The following CRKL variants were observed in gnomAD, a reference collection of about 807,000 sequenced individuals.
CRKL encodes the protein CRK like proto-oncogene, adaptor protein, also known as crk-like protein.
A neutral mutation model predicts 23.0 loss-of-function variants in CRKL; 3 were observed. The ratio of observed to expected loss-of-function variants is 0.13; its 90% CI spans 0.06 to 0.34. CRKL has a LOEUF of 0.34. Ranked by LOEUF, CRKL falls within the 10% of genes least tolerant of loss-of-function variation. The probability of loss-of-function intolerance (pLI) is 1.00; values close to 1 mark genes in which losing one functional copy is unlikely to be tolerated. For missense variants in CRKL, 256 were observed against 394.5 expected (o/e 0.65, Z 2.97); for synonymous variants, 188 against 160.7 (o/e 1.17, Z -1.28).
chr22:20,941,586 A>AT (rs1445560449), intron 2 of CRKL, among the ~76,000 whole-genome samples: 7 of 18,770 alleles, frequency 3.7e-4, no homozygotes, highest in African/African-American at 9.3e-4. Context: ...GTGTATATAT[A>AT]TATTTTTTTT....
chr22:20,937,474 C>T (rs928438459), intron 2 of CRKL, among the ~76,000 whole-genome samples: 5 of 146,658 alleles, frequency 3.4e-5, no homozygotes, highest in Admixed American at 1.4e-4. Flanking sequence ...ATCTAGTGTG[C>T]GTGCGTGTGT....
At chr22:20,925,993 G>T (rs1023564349) in intron 1 of CRKL, among the ~76,000 whole-genome samples, 2 of 152,158 alleles carry the variant, frequency 1.3e-5, no homozygotes, top group African/African-American at 2.4e-5. Context: ...AGAATGCCAT[G>T]ACAGCTTAAA....
intron 2 of CRKL, among the ~76,000 whole-genome samples, chr22:20,937,123 A>T (rs1298077171): frequency 1.3e-5 from 2 of 151,822 alleles, no homozygotes; most frequent in African/African-American, 2.4e-5. Context: ...AAGTGCTCGG[A>T]TTACAGGCGT....
intron 2 of CRKL, among the ~76,000 whole-genome samples, chr22:20,941,072 A>G (rs1921852538): frequency 1.3e-5 from 2 of 152,214 alleles, no homozygotes; most frequent in South Asian, 4.2e-4. Context: ...ATCATGAAGC[A>G]TCTGACTCAG....
chr22:20,936,411 C>A (rs186274475), intron 2 of CRKL, among the ~76,000 whole-genome samples: 1 of 151,896 alleles, frequency 6.6e-6, no homozygotes, highest in South Asian at 2.1e-4. Context: ...TGCAATGGCA[C>A]GATCTCGGTT....
intron 2 of CRKL, among the ~76,000 whole-genome samples, chr22:20,936,739 T>C (rs1921672760): frequency 6.6e-6 from 1 of 152,124 alleles, no homozygotes; most frequent in Non-Finnish European, 1.5e-5. Context: ...CTCCCTTTCA[T>C]GTTGGCTATA....
chr22:20,923,087 A>C (rs997935501), intron 1 of CRKL, among the ~76,000 whole-genome samples: 5 of 152,200 alleles, frequency 3.3e-5, no homozygotes, highest in Non-Finnish European at 7.3e-5. Flanking sequence ...TCGATAGATA[A>C]ATTCAGGCTA....
At position 20,917,419 on chromosome 22, in the gene CRKL, C is replaced by A. The variant is rs1172894362; in HGVS notation, c.-516C>A. ...GCCCAGCGCGTGCGCAGACGGAGCG[C>A]GCTGAGCGGAGGGGGAGGTGGCTGC... On this transcript the variant is annotated 5_prime_UTR_variant, in exon 1 of 3. Transcript: ENST00000354336. The A allele has an allele frequency of 1.4e-5, 3 of 222,114 alleles. No homozygotes were observed. Among genetic ancestry groups the A allele is most frequent in the Non-Finnish European group, 2.7e-5 (3 of 110,760 alleles). The allele number at this position is 222,114 out of a possible 1,614,324, so 13.8% of individuals were successfully genotyped here. A position where few individuals can be genotyped will look rare whatever the true frequency, so the allele number is the denominator to read the frequency against.
chr22:20,945,347 A>G (rs1484250763), intron 2 of CRKL, among the ~76,000 whole-genome samples: 2 of 151,974 alleles, frequency 1.3e-5, no homozygotes, highest in African/African-American at 2.4e-5. Context: ...ACTGATATCT[A>G]TGTGTTGATC....
chr22:20,933,513 A>T (rs1229949783), intron 1 of CRKL, among the ~76,000 whole-genome samples: 2 of 151,036 alleles, frequency 1.3e-5, no homozygotes, highest in Admixed American at 1.3e-4. Flanking sequence ...CTAAAAATAA[A>T]AAAAGTTACC....
chr22:20,927,970 T>C (rs1042692131), intron 1 of CRKL, among the ~76,000 whole-genome samples: 77 of 151,738 alleles, frequency 5.1e-4, no homozygotes, highest in African/African-American at 1.9e-3. Context: ...AAGACCAGCC[T>C]GGCCAGCATG....
intron 1 of CRKL, among the ~76,000 whole-genome samples, chr22:20,925,563 A>G (rs1423394672): frequency 1.3e-5 from 2 of 152,238 alleles, no homozygotes; most frequent in Non-Finnish European, 2.9e-5. Context: ...ATTCTTTCAG[A>G]TAAGTAAAAG....
intron 2 of CRKL, 78 bp downstream of exon 2, chr22:20,934,322 A>G: frequency 7.3e-6 from 9 of 1,237,170 alleles, no homozygotes; most frequent in Non-Finnish European, 1.0e-5. Flanking sequence ...GTTTCTGCTC[A>G]TTTAAGCTTA....
At chr22:20,937,039 A>G (rs1177914016) in intron 2 of CRKL, among the ~76,000 whole-genome samples, 1 of 151,860 alleles carries the variant, frequency 6.6e-6, no homozygotes, top group Non-Finnish European at 1.5e-5. Context: ...TTTAGTAGAG[A>G]CCGGGTTTCA....
At chr22:20,944,786 C>T (rs1921996706) in intron 2 of CRKL, among the ~76,000 whole-genome samples, 1 of 151,498 alleles carries the variant, frequency 6.6e-6, no homozygotes, top group Admixed American at 6.6e-5. Context: ...CTCACTCCCG[C>T]TCCATTGCCC....
chr22:20,927,571 C>G (rs1290279999), intron 1 of CRKL, among the ~76,000 whole-genome samples: 2 of 146,874 alleles, frequency 1.4e-5, no homozygotes, highest in African/African-American at 5.0e-5. Flanking sequence ...GTAAGGGTGC[C>G]GTGGCTCACG....
At chr22:20,928,812 CAAAAAAA>C (rs57896414) in intron 1 of CRKL, among the ~76,000 whole-genome samples, 1,203 of 81,554 alleles carry the variant, frequency 0.015, 6 homozygotes, top group Non-Finnish European at 0.022. Context: ...GATCCCATCT[CAAAAAAA>C]AAAAAAAAAA....
At position 20,934,618 on chromosome 22, in the gene CRKL, T is replaced by C. The variant is rs888675146; in HGVS notation, c.777+374T>C. On this transcript the variant is annotated intron_variant, in intron 2 of 2. Coordinates refer to ENST00000354336, the MANE Select transcript of CRKL (RefSeq NM_005207.4). ...TCTCAGCCTTCTTGCTCTTTCTTGTTCCCAAAGCCTAACAGATTTAGTTTT... is the reference window on the plus strand; with the variant it reads ...TCTCAGCCTTCTTGCTCTTTCTTGTCCCCAAAGCCTAACAGATTTAGTTTT... Among the ~76,000 whole-genome samples the C allele has an allele frequency of 2.0e-5, 3 of 152,026 alleles. No homozygotes were observed. The South Asian group carries it at 6.2e-4, about 32-fold the overall frequency.
At chr22:20,936,979 G>T (rs1353905622) in intron 2 of CRKL, among the ~76,000 whole-genome samples, 1 of 151,946 alleles carries the variant, frequency 6.6e-6, no homozygotes, top group Non-Finnish European at 1.5e-5. Flanking sequence ...TTCTGCTTCA[G>T]CCTCTCAAGT....
Sources: allele counts gnomAD v4.1 joint callset (sites outside exome capture counted in the v4.1 genomes callset), GRCh38; gene constraint gnomAD v4.1.1; transcripts MANE v1.5; gene names NCBI Gene and HGNC (gene_info 2026-07-23, HGNC 2026-07-21).